PTPRD: variants seen among roughly 807,000 people sequenced by gnomAD.
PTPRD encodes the protein receptor-type tyrosine-protein phosphatase delta.
In PTPRD, 34 loss-of-function variants were observed where a neutral mutation model predicts 214.5. The ratio of observed to expected loss-of-function variants is 0.16; its 90% CI spans 0.12 to 0.21. PTPRD has a LOEUF of 0.21. Ranked by LOEUF, PTPRD falls within the 10% of genes least tolerant of loss-of-function variation. PTPRD has a pLI of 1.00. For missense variants in PTPRD, 2,545 were observed against 2,398.7 expected (o/e 1.06, Z -1.27); for synonymous variants, 1,128 against 845.7 (o/e 1.33, Z -5.79).
intron 3 of PTPRD, among the ~76,000 whole-genome samples, chr9:10,281,218 T>C (rs567676806): frequency 1.3e-5 from 2 of 152,336 alleles, no homozygotes; most frequent in Admixed American, 6.5e-5. Context: ...GATTAAAGTT[T>C]TCCAGGGACT....
At chr9:9,914,583 G>A (rs2080154944) in intron 5 of PTPRD, among the ~76,000 whole-genome samples, 1 of 152,156 alleles carries the variant, frequency 6.6e-6, no homozygotes, top group African/African-American at 2.4e-5. Context: ...TGGCTGAACA[G>A]CTGAGGGCCT....
chr9:9,316,403 A>G (rs1963139989), intron 9 of PTPRD, among the ~76,000 whole-genome samples: 1 of 152,136 alleles, frequency 6.6e-6, no homozygotes, highest in African/African-American at 2.4e-5. Context: ...TTTATAGTAC[A>G]CATAGAGCTT....
At chr9:8,367,909 T>C (rs1399282949) in intron 39 of PTPRD, among the ~76,000 whole-genome samples, 5 of 152,210 alleles carry the variant, frequency 3.3e-5, no homozygotes, top group African/African-American at 1.2e-4. Context: ...AATACCACTA[T>C]TATCCCCACG....
intron 11 of PTPRD, among the ~76,000 whole-genome samples, chr9:8,968,748 T>C (rs925809682): frequency 6.6e-6 from 1 of 151,836 alleles, no homozygotes; most frequent in Non-Finnish European, 1.5e-5. Flanking sequence ...ATTACTATAC[T>C]GTCAATGCAA....
intron 5 of PTPRD, among the ~76,000 whole-genome samples, chr9:9,937,572 T>G (rs997997255): frequency 6.6e-5 from 10 of 152,176 alleles, no homozygotes; most frequent in African/African-American, 2.4e-4. Flanking sequence ...TTACTCACAT[T>G]AAATCACAAG....
At chr9:9,118,095 G>A (rs1014784126) in intron 10 of PTPRD, among the ~76,000 whole-genome samples, 1 of 152,208 alleles carries the variant, frequency 6.6e-6, no homozygotes, top group African/African-American at 2.4e-5. Context: ...GTTGGACAGA[G>A]AAACACCCAC....
intron 11 of PTPRD, among the ~76,000 whole-genome samples, chr9:8,934,049 T>G (rs1200094537): frequency 6.6e-6 from 1 of 152,026 alleles, no homozygotes; most frequent in Non-Finnish European, 1.5e-5. Context: ...ATTCTATTCC[T>G]CAGGACTCTT....
At chr9:10,276,361 C>G (rs1264124824) in intron 3 of PTPRD, among the ~76,000 whole-genome samples, 2 of 152,100 alleles carry the variant, frequency 1.3e-5, no homozygotes, top group Non-Finnish European at 2.9e-5. Context: ...AAGGACAATG[C>G]AAGAGAAAAG....
Position 8,382,508 on chromosome 9 carries a change from T to C in PTPRD, c.4387-5782A>G, listed in dbSNP as rs182523178. On this transcript the variant is annotated intron_variant, in intron 37 of 45. Transcript: ENST00000381196. The stretch of plus-strand genomic sequence containing the variant: ...ATGCTTTGAGCCAGAATCTGTCAGC[T>C]GCCTTTCTAAGTAGAGCAGGTGGGG... Among the ~76,000 whole-genome samples, 9 of 152,316 alleles carry C rather than the reference T, an allele frequency of 5.9e-5. No individual in the cohort carries two copies. The East Asian group carries it at 1.7e-3, about 29-fold the overall frequency.
intron 2 of PTPRD, among the ~76,000 whole-genome samples, chr9:10,385,770 A>G (rs2097903141): frequency 6.6e-6 from 1 of 151,864 alleles, no homozygotes; most frequent in South Asian, 2.1e-4. Flanking sequence ...ATAGATGGCT[A>G]TCACAAAAGA....
chr9:9,370,407 C>T (rs562365539), intron 9 of PTPRD, among the ~76,000 whole-genome samples: 2 of 151,758 alleles, frequency 1.3e-5, no homozygotes, highest in Non-Finnish European at 2.9e-5. Flanking sequence ...ATTTGGCTCT[C>T]TATTTGTCTG....
chr9:9,171,506 A>C (rs1447936361), intron 10 of PTPRD, among the ~76,000 whole-genome samples: 1 of 151,924 alleles, frequency 6.6e-6, no homozygotes, highest in Admixed American at 6.6e-5. Context: ...AAGGGGTCTT[A>C]AATTTGAAAG....
At chr9:8,487,809 CA>C (rs2097059753) in intron 27 of PTPRD, among the ~76,000 whole-genome samples, 1 of 135,462 alleles carries the variant, frequency 7.4e-6, no homozygotes, top group Non-Finnish European at 1.6e-5. Flanking sequence ...AATTCCGTCT[CA>C]AAAACAAACA....
At chr9:9,111,476 G>A (rs1300620772) in intron 10 of PTPRD, among the ~76,000 whole-genome samples, 2 of 151,998 alleles carry the variant, frequency 1.3e-5, no homozygotes, top group East Asian at 1.9e-4. Context: ...GGTAGCACTG[G>A]AACACCACTT....
intron 3 of PTPRD, among the ~76,000 whole-genome samples, chr9:10,267,095 G>A (rs2094117527): frequency 6.6e-6 from 1 of 151,466 alleles, no homozygotes. Flanking sequence ...GGAGGCTGAG[G>A]CAGGAGAGTC....
At position 8,829,251 on chromosome 9, in the gene PTPRD, C is replaced by A. The variant is rs1039919697; in HGVS notation, c.-103-95305G>T. Reference sequence around the variant, plus strand: ...TTTCCATCACCCCAGAAAGCTTGTTCATGTCCTTATCCAGTCATCCTCCTC... The same window carrying A: ...TTTCCATCACCCCAGAAAGCTTGTTAATGTCCTTATCCAGTCATCCTCCTC... On this transcript the variant is annotated intron_variant, in intron 11 of 45. Transcript: ENST00000381196. Among the ~76,000 whole-genome samples, 6 of 152,260 alleles carry A rather than the reference C, an allele frequency of 3.9e-5. No homozygotes were observed. In the South Asian group the frequency reaches 6.2e-4, roughly 16 times the overall value.
At chr9:9,677,517 A>C (rs1330367393) in intron 7 of PTPRD, among the ~76,000 whole-genome samples, 2 of 152,144 alleles carry the variant, frequency 1.3e-5, no homozygotes. Flanking sequence ...AAAATTCAAC[A>C]ACACTTCATG....
At chr9:10,432,171 T>C (rs1222653498) in intron 2 of PTPRD, among the ~76,000 whole-genome samples, 5 of 150,704 alleles carry the variant, frequency 3.3e-5, no homozygotes, top group Non-Finnish European at 7.4e-5. Context: ...TCATTCTCAG[T>C]AAACTATCGC....
At chr9:8,917,394 C>A (rs1030793114) in intron 11 of PTPRD, among the ~76,000 whole-genome samples, 4 of 151,736 alleles carry the variant, frequency 2.6e-5, no homozygotes, top group African/African-American at 9.7e-5. Flanking sequence ...ACCTCGGCCT[C>A]CCAAAGTGCT....
Sources: gnomAD v4.1 joint callset for allele counts (sites outside exome capture counted in the v4.1 genomes callset) on GRCh38, gnomAD v4.1.1 for gene constraint, MANE v1.5 for transcripts, NCBI Gene and HGNC (gene_info 2026-07-23, HGNC 2026-07-21) for gene names.